WDPCP: variants seen among roughly 807,000 people sequenced by gnomAD.
The protein encoded by WDPCP is WD repeat-containing and planar cell polarity effector protein fritz homolog.
WDPCP carries 71 observed loss-of-function variants against 93.1 expected under a neutral mutation model. The ratio of observed to expected loss-of-function variants is 0.76; its 90% confidence interval spans 0.63 to 0.93. The LOEUF (loss-of-function observed/expected upper bound fraction) is 0.93. Among genes scored for constraint, WDPCP ranks in the 40% least tolerant of loss-of-function variants. The pLI is 0.00. For synonymous variants in WDPCP, 315 were observed against 315.0 expected (o/e 1.00, Z 0.00); for missense variants, 844 against 887.4 (o/e 0.95, Z 0.62).
At chr2:63,509,472 G>A (rs1193490177) in intron 1 of WDPCP, among the ~76,000 whole-genome samples, 3 of 152,118 alleles carry the variant, frequency 2.0e-5, no homozygotes, top group Non-Finnish European at 4.4e-5. Context: ...ATGCCCACAA[G>A]AGAAAGCAGG....
intron 14 of WDPCP, among the ~76,000 whole-genome samples, chr2:63,239,203 A>T (rs1679662878): frequency 6.6e-6 from 1 of 152,186 alleles, no homozygotes; most frequent in South Asian, 2.1e-4. Context: ...TATTTCTATG[A>T]AAGTAGGGCA....
chr2:63,304,959 C>A (rs921252773), intron 13 of WDPCP, among the ~76,000 whole-genome samples: 5 of 152,098 alleles, frequency 3.3e-5, no homozygotes, highest in African/African-American at 1.2e-4. Context: ...TTTCCCCTCA[C>A]GTTGTAAACA....
At chr2:63,140,686 C>CT (rs1312768179) in intron 17 of WDPCP, among the ~76,000 whole-genome samples, 1 of 151,924 alleles carries the variant, frequency 6.6e-6, no homozygotes, top group African/African-American at 2.4e-5. Flanking sequence ...TTGCTGAATT[C>CT]TTTTATCAGT....
intron 7 of WDPCP, among the ~76,000 whole-genome samples, chr2:63,439,040 C>T (rs746729531): frequency 7.9e-5 from 12 of 152,060 alleles, no homozygotes; most frequent in Non-Finnish European, 1.8e-4. Flanking sequence ...TGGACATGTT[C>T]CTTAGTAGCT....
chr2:63,500,538 C>A (rs1423376060), intron 1 of WDPCP, among the ~76,000 whole-genome samples: 1 of 150,732 alleles, frequency 6.6e-6, no homozygotes, highest in Non-Finnish European at 1.5e-5. Flanking sequence ...GCAGAGATGA[C>A]CTCAATATGA....
At chr2:63,549,294 C>T (rs1705394886) in intron 1 of WDPCP, among the ~76,000 whole-genome samples, 1 of 147,576 alleles carries the variant, frequency 6.8e-6, no homozygotes, top group South Asian at 2.1e-4. Flanking sequence ...GCTAAGCATC[C>T]ATCTAAAGGA....
Position 63,433,861 on chromosome 2 carries a change from T to C in WDPCP, c.709A>G (p.Arg237Gly). 2 of 1,614,062 alleles carry C rather than the reference T, an allele frequency of 1.2e-6. No individual in the cohort carries two copies. The highest frequency in any genetic ancestry group is 1.1e-5 in the South Asian group (1 of 91,076). ...ACCAGTGGCCACCAGCAAACAACTCTATCATGAACACAGTTGATAGCTAGA... is the reference window on the plus strand; with the variant it reads ...ACCAGTGGCCACCAGCAAACAACTCCATCATGAACACAGTTGATAGCTAGA... ...RHLAINCVHDRVVCWWPLVND... is the reference protein window; with the variant it reads ...RHLAINCVHDGVVCWWPLVND... The change falls in exon 9 of 18, where the codon AGA (arginine) becomes GGA (glycine). Residue 237 changes from arginine to glycine, a missense_variant. By Grantham distance (125) the Arg-to-Gly change is moderately radical. Transcript: ENST00000272321.
At chr2:63,724,143 G>T (rs191190543) in intron 2 of WDPCP, among the ~76,000 whole-genome samples, 6 of 152,274 alleles carry the variant, frequency 3.9e-5, no homozygotes, top group African/African-American at 9.6e-5. Flanking sequence ...ATGCCTGAAT[G>T]ATAAATATTT....
At chr2:63,301,637 G>C (rs1241194719) in intron 13 of WDPCP, among the ~76,000 whole-genome samples, 1 of 152,056 alleles carries the variant, frequency 6.6e-6, no homozygotes, top group Non-Finnish European at 1.5e-5. Flanking sequence ...AGTTCCTCTG[G>C]TTCCATGGCT....
intron 12 of WDPCP, among the ~76,000 whole-genome samples, chr2:63,341,937 G>C (rs1688870574): frequency 6.6e-6 from 1 of 152,132 alleles, no homozygotes; most frequent in African/African-American, 2.4e-5. Context: ...GATATAAAGT[G>C]AGTCACTTCT....
chr2:63,793,235 C>T (rs1450995924), intron 2 of WDPCP, among the ~76,000 whole-genome samples: 2 of 151,812 alleles, frequency 1.3e-5, no homozygotes, highest in African/African-American at 4.8e-5. Context: ...GATCCTCTTG[C>T]CTCAGCCTCC....
chr2:63,695,029 T>C (rs566273283), intron 2 of WDPCP, among the ~76,000 whole-genome samples: 13 of 152,226 alleles, frequency 8.5e-5, no homozygotes, highest in South Asian at 2.1e-4. Flanking sequence ...TTCAGAAACA[T>C]TGACCAACAG....
At chr2:63,512,882 A>G (rs930849105) in intron 1 of WDPCP, among the ~76,000 whole-genome samples, 2 of 152,096 alleles carry the variant, frequency 1.3e-5, no homozygotes, top group African/African-American at 4.8e-5. Context: ...CCAGAACTTA[A>G]AGTATAATTT....
chr2:63,779,493 G>A (rs1670355486), intron 2 of WDPCP, among the ~76,000 whole-genome samples: 1 of 152,122 alleles, frequency 6.6e-6, no homozygotes, highest in Non-Finnish European at 1.5e-5. Context: ...ATAAGGCATT[G>A]CTTGTCCTGG....
chr2:63,335,816 A>C (rs1028009133), intron 12 of WDPCP, among the ~76,000 whole-genome samples: 1 of 152,222 alleles, frequency 6.6e-6, no homozygotes, highest in Non-Finnish European at 1.5e-5. Context: ...TCACAGGATG[A>C]GATAGGAGAT....
rs184659805 is a variant in WDPCP, at chr2:63,121,424, G to A, written c.*582C>T. The A allele has an allele frequency of 9.4e-6, 1 of 106,336 alleles. No individual in the cohort carries two copies. Among genetic ancestry groups the A allele is most frequent in the African/African-American group, 3.8e-5 (1 of 26,504 alleles). The allele number at this position is 106,336 out of a possible 1,614,324, so 6.6% of individuals were successfully genotyped here. A position where few individuals can be genotyped will look rare whatever the true frequency, so the allele number is the denominator to read the frequency against. The stretch of plus-strand genomic sequence containing the variant: ...TTTGGAGACAGGGTCACTCTCTGTT[G>A]CCCAGGTTAGAGTGCAGTGGCGCGA... On this transcript the variant is annotated 3_prime_UTR_variant, in exon 18 of 18. Transcript: ENST00000272321.
chr2:63,454,013 A>G (rs1386797688), intron 6 of WDPCP, among the ~76,000 whole-genome samples: 1 of 151,258 alleles, frequency 6.6e-6, no homozygotes, highest in African/African-American at 2.4e-5. Context: ...GTAAATGATG[A>G]GTTAATGGGT....
At position 63,705,794 on chromosome 2, in the gene WDPCP, C is replaced by T. The variant is rs530304086; in HGVS notation, n.309-54956G>A. 2.7e-3 allele frequency among the ~76,000 whole-genome samples: 406 copies of T among 148,978 alleles called. 1 individual carries two copies. Among genetic ancestry groups the T allele is most frequent in the African/African-American group, 9.4e-3 (380 of 40,570 alleles). On this transcript the variant is annotated intron_variant and non_coding_transcript_variant, in intron 2 of 4. Transcript: ENST00000467687. Reference sequence around the variant, plus strand: ...TTCTGTTGATCTGGGGTGGAGAGTTCTGTAGATGTCTATTAGGTCTGCTTG... The same window carrying T: ...TTCTGTTGATCTGGGGTGGAGAGTTTTGTAGATGTCTATTAGGTCTGCTTG...
chr2:63,463,654 G>A (rs573127970), intron 6 of WDPCP, among the ~76,000 whole-genome samples: 1 of 152,228 alleles, frequency 6.6e-6, no homozygotes, highest in East Asian at 1.9e-4. Flanking sequence ...TAAACCAGTG[G>A]AACAGAAAAG....
Sources: allele counts gnomAD v4.1 joint callset (sites outside exome capture counted in the v4.1 genomes callset), GRCh38; gene constraint gnomAD v4.1.1; transcripts MANE v1.5; gene names NCBI Gene and HGNC (gene_info 2026-07-23, HGNC 2026-07-21).